PSMA8: variants seen among roughly 807,000 people sequenced by gnomAD.
The protein encoded by PSMA8 is proteasome subunit alpha-type 8.
In PSMA8, 18 loss-of-function variants were observed where a neutral mutation model predicts 32.4. That is an observed-to-expected ratio of 0.56 (90% CI 0.38 to 0.82). PSMA8 has a LOEUF of 0.82. Among genes scored for constraint, PSMA8 ranks in the 40% least tolerant of loss-of-function variants. The pLI is 0.00. For missense variants in PSMA8, 298 were observed against 300.7 expected, an observed-to-expected ratio of 0.99 and a Z score of 0.07; for synonymous variants, 104 against 98.1, an observed-to-expected ratio of 1.06 and a Z score of -0.36.
At chr18:26,188,673 C>A (rs1251930730) in intron 6 of PSMA8, among the ~76,000 whole-genome samples, 1 of 151,994 alleles carries the variant, frequency 6.6e-6, no homozygotes, top group Non-Finnish European at 1.5e-5. Context: ...AAATGGAGAT[C>A]CCAGAAACAA....
intron 1 of PSMA8, among the ~76,000 whole-genome samples, chr18:26,136,834 T>C (rs1422678648): frequency 1.3e-5 from 2 of 152,212 alleles, no homozygotes; most frequent in Non-Finnish European, 2.9e-5. Flanking sequence ...GTAACTAACA[T>C]TTAAGAAATA....
chr18:26,140,871 T>G (rs994923281), intron 1 of PSMA8, among the ~76,000 whole-genome samples: 1 of 152,242 alleles, frequency 6.6e-6, no homozygotes, highest in African/African-American at 2.4e-5. Flanking sequence ...TTTCTGAAAT[T>G]ATTGCATGTT....
chr18:26,192,461 C>T lies in PSMA8; in HGVS notation c.*50C>T, dbSNP rs2144369807. 2 of 1,487,402 alleles carry T rather than the reference C, an allele frequency of 1.3e-6. No homozygotes were observed. Among genetic ancestry groups the T allele is most frequent in the Non-Finnish European group, 1.8e-6 (2 of 1,127,772 alleles). The allele number at this position is 1,487,402 out of a possible 1,614,324, so 92.1% of individuals were successfully genotyped here. A position where few individuals can be genotyped will look rare whatever the true frequency, so the allele number is the denominator to read the frequency against. On this transcript the variant is annotated 3_prime_UTR_variant, in exon 7 of 7. Coordinates refer to ENST00000415576, the MANE Select transcript of PSMA8 (RefSeq NM_001025096.2). ...CTTAATGTTTTGTTTTATTGTACTG[C>T]CTGAGGTTGTTTAGTGAAATTTTAG...
intron 3 of PSMA8, among the ~76,000 whole-genome samples, chr18:26,153,099 A>G (rs569854431): frequency 6.6e-6 from 1 of 152,336 alleles, no homozygotes; most frequent in East Asian, 1.9e-4. Flanking sequence ...AACATTAAGT[A>G]TAATCATGAT....
chr18:26,191,579 A>AG (rs11429940), intron 6 of PSMA8, among the ~76,000 whole-genome samples: 152,266 of 152,268 alleles, frequency 1, 76,132 homozygotes, highest in Non-Finnish European at 1. Context: ...TGAACCCGGC[A>AG]GCAGAGGTTG....
chr18:26,163,020 C>T (rs981083521), intron 4 of PSMA8, among the ~76,000 whole-genome samples: 7 of 151,432 alleles, frequency 4.6e-5, no homozygotes, highest in African/African-American at 1.2e-4. Context: ...AATATATAAA[C>T]AGCCCATCAT....
intron 4 of PSMA8, chr18:26,170,986 T>C: frequency 6.4e-7 from 1 of 1,556,020 alleles, no homozygotes; most frequent in South Asian, 1.1e-5. Context: ...GGTTGTTCAG[T>C]AAGTTTTAAG....
At chr18:26,174,876 A>C (rs1196852444) in intron 4 of PSMA8, among the ~76,000 whole-genome samples, 3 of 152,242 alleles carry the variant, frequency 2.0e-5, no homozygotes, top group Admixed American at 6.5e-5. Flanking sequence ...TTCTAGAAGC[A>C]GGTAAAATAG....
chr18:26,153,247 C>T (rs2055060801), intron 3 of PSMA8, among the ~76,000 whole-genome samples: 1 of 152,000 alleles, frequency 6.6e-6, no homozygotes, highest in African/African-American at 2.4e-5. Flanking sequence ...TGGTTTCTTT[C>T]ATTTTTCTTC....
intron 4 of PSMA8, among the ~76,000 whole-genome samples, chr18:26,158,826 A>C (rs138246943): frequency 6.6e-6 from 1 of 152,222 alleles, no homozygotes; most frequent in African/African-American, 2.4e-5. Flanking sequence ...TATAGGGCTC[A>C]GCCAGGCACG....
chr18:26,184,599 C>T (rs1301610602), intron 6 of PSMA8, among the ~76,000 whole-genome samples: 1 of 148,234 alleles, frequency 6.7e-6, no homozygotes, highest in Non-Finnish European at 1.5e-5. Flanking sequence ...ATAGTGAAAC[C>T]CCATCTCCAC....
rs1001994783 is a variant in PSMA8, at chr18:26,192,182, A to G, written c.661-137A>G. ...GCTCTTAGACCTCTTGAAATGCTTC[A>G]TTGTATATTTGAAGTTACAAAATAT... On this transcript the variant is annotated intron_variant, in intron 6 of 6. Coordinates refer to ENST00000415576, the MANE Select transcript of PSMA8 (RefSeq NM_001025096.2). 1.4e-5 allele frequency: 11 copies of G among 764,846 alleles called. No homozygotes were observed. The African/African-American group carries it at 1.5e-4, about 10-fold the overall frequency. The allele number at this position is 764,846 out of a possible 1,614,324, so 47.4% of individuals were successfully genotyped here.
intron 2 of PSMA8, among the ~76,000 whole-genome samples, chr18:26,150,131 G>A (rs78233779): frequency 6.6e-6 from 1 of 152,128 alleles, no homozygotes. Context: ...GATTAGGGAT[G>A]CCCAACCAGT....
chr18:26,141,692 T>A (rs867315538), intron 1 of PSMA8, among the ~76,000 whole-genome samples: 1 of 149,108 alleles, frequency 6.7e-6, no homozygotes, highest in Non-Finnish European at 1.5e-5. Flanking sequence ...TTTTTTTCTT[T>A]TTTCTGTTTC....
chr18:26,145,292 A>G (rs1430645683), intron 2 of PSMA8, among the ~76,000 whole-genome samples: 2 of 151,662 alleles, frequency 1.3e-5, no homozygotes, highest in Non-Finnish European at 1.5e-5. Flanking sequence ...CTAATTTTGT[A>G]TTTTTAGTGG....
chr18:26,164,837 G>A (rs2055165003), intron 4 of PSMA8, among the ~76,000 whole-genome samples: 1 of 152,158 alleles, frequency 6.6e-6, no homozygotes, highest in Non-Finnish European at 1.5e-5. Context: ...TTATTATAAT[G>A]TAATTATATA....
intron 3 of PSMA8, 104 bp downstream of exon 3, chr18:26,152,086 A>G: frequency 1.4e-6 from 1 of 738,396 alleles, no homozygotes; most frequent in Non-Finnish European, 1.9e-6. Context: ...AGTCTATTAA[A>G]TATATTAAAT....
chr18:26,134,341 G>GTGTGTGTGTGTGTGTGTGTGTGTCTC lies in PSMA8; in HGVS notation c.102+296_102+321dup, dbSNP rs1320058780. On this transcript the variant is annotated intron_variant, in intron 1 of 6. Coordinates refer to ENST00000415576, the MANE Select transcript of PSMA8 (RefSeq NM_001025096.2). Reference sequence around the variant, plus strand: ...ACGCAAAACTAGGGTGTGTGTGTGGGTGTGTGTGTGTGTGTGTGTGTGTCT... The same window carrying GTGTGTGTGTGTGTGTGTGTGTGTCTC: ...ACGCAAAACTAGGGTGTGTGTGTGGGTGTGTGTGTGTGTGTGTGTGTGTCTCTGTGTGTGTGTGTGTGTGTGTGTCT... 1.7e-4 allele frequency among the ~76,000 whole-genome samples: 21 copies of GTGTGTGTGTGTGTGTGTGTGTGTCTC among 125,102 alleles called. 1 individual carries two copies. The South Asian group carries it at 2.5e-3, about 15-fold the overall frequency. 82.1% of individuals were successfully genotyped at this position (125,102 alleles called of 152,430 possible).
intron 1 of PSMA8, among the ~76,000 whole-genome samples, chr18:26,134,992 T>C (rs866500553): frequency 8.5e-5 from 13 of 152,248 alleles, no homozygotes; most frequent in African/African-American, 2.9e-4. Context: ...GTCCCAATAT[T>C]TCCCAGCCTT....
Sources: gnomAD v4.1 joint callset for allele counts (sites outside exome capture counted in the v4.1 genomes callset) on GRCh38, gnomAD v4.1.1 for gene constraint, MANE v1.5 for transcripts, NCBI Gene and HGNC (gene_info 2026-07-23, HGNC 2026-07-21) for gene names.